Variants in METTL22 observed in about 807,000 individuals in gnomAD.
METTL22 encodes the protein methyltransferase-like protein 22.
A neutral mutation model predicts 48.4 loss-of-function variants in METTL22; 51 were observed. The ratio of observed to expected loss-of-function variants is 1.05; its 90% CI spans 0.84 to 1.33. METTL22 has a LOEUF of 1.33. METTL22 is among the 40% of genes most tolerant of loss of function. The pLI, the probability that METTL22 is intolerant of heterozygous loss-of-function variation, is 0.00. For missense variants in METTL22, 678 were observed against 526.9 expected, an observed-to-expected ratio of 1.29 and a Z score of -2.81; for synonymous variants, 255 against 214.1, an observed-to-expected ratio of 1.19 and a Z score of -1.67.
downstream of METTL22, among the ~76,000 whole-genome samples, chr16:8,653,132 T>C (rs112158669): frequency 3.3e-5 from 5 of 152,286 alleles, no homozygotes; most frequent in African/African-American, 7.2e-5. Context: ...TTCCAGACTG[T>C]GCTGTTTCTT....
Position 8,636,651 on chromosome 16 carries a change from T to TG in METTL22, c.700+1340dup, listed in dbSNP as rs1176436070. ...CTATGGGTTTTGGTTTTTTGGTTTTTGTTTTTTTTTGCATTTGTCAGTTAC... is the reference window on the plus strand; with the variant it reads ...CTATGGGTTTTGGTTTTTTGGTTTTTGGTTTTTTTTTGCATTTGTCAGTTAC... On this transcript the variant is annotated intron_variant, in intron 5 of 10. Transcript: ENST00000381920. Among the ~76,000 whole-genome samples, 10 of 3,736 alleles carry TG rather than the reference T, an allele frequency of 2.7e-3. No homozygotes were observed. In the South Asian group the frequency reaches 0.25, roughly 93 times the overall value. The allele number at this position is 3,736 out of a possible 152,430, so 2.5% of individuals were successfully genotyped here.
intron 3 of METTL22, 93 bp from the exon 4 acceptor site, chr16:8,634,946 C>A: frequency 6.5e-7 from 1 of 1,536,106 alleles, no homozygotes; most frequent in Non-Finnish European, 9.0e-7. Flanking sequence ...GCCCATCTGA[C>A]CGTGCTGGCG....
chr16:8,659,282 G>C, the METTL22 span, among the ~76,000 whole-genome samples: 4 of 150,506 alleles, frequency 2.7e-5, no homozygotes, highest in South Asian at 2.1e-4. Context: ...AGTGAGCCAA[G>C]ATTGCGCCTC....
chr16:8,666,350 C>A, the METTL22 span, among the ~76,000 whole-genome samples: 1 of 152,174 alleles, frequency 6.6e-6, no homozygotes, highest in Non-Finnish European at 1.5e-5. Flanking sequence ...GCTAGATAAC[C>A]CACACCTTAT....
intron 5 of METTL22, among the ~76,000 whole-genome samples, chr16:8,636,990 C>G (rs1396083405): frequency 6.6e-6 from 1 of 152,236 alleles, no homozygotes; most frequent in South Asian, 2.1e-4. Context: ...GTGATGAAAA[C>G]CAGCCAGTGA....
At chr16:8,644,119 TTC>T (rs35368841) in intron 9 of METTL22, among the ~76,000 whole-genome samples, 150,226 of 152,132 alleles carry the variant, frequency 0.99, 74,205 homozygotes, top group Middle Eastern at 1. Context: ...CCCAGCAGTT[TTC>T]TCTCTGTTCT....
intron 1 of METTL22, among the ~76,000 whole-genome samples, chr16:8,622,353 G>A (rs1199808079): frequency 1.3e-5 from 2 of 152,204 alleles, no homozygotes; most frequent in Non-Finnish European, 2.9e-5. Context: ...AACTGACTGG[G>A]GACCTATAGG....
intron 7 of METTL22, 29 bp downstream of exon 7, chr16:8,641,213 T>C: frequency 6.2e-7 from 1 of 1,611,430 alleles, no homozygotes; most frequent in Non-Finnish European, 8.5e-7. Context: ...CGTCCCCCAG[T>C]ATGATTCAGT....
chr16:8,659,729 C>CTT, the METTL22 span, among the ~76,000 whole-genome samples: 18 of 147,904 alleles, frequency 1.2e-4, no homozygotes, highest in African/African-American at 2.7e-4. Flanking sequence ...AAGGACTTCG[C>CTT]TTTTTTTTTT....
rs1428351850 is a variant in METTL22, at chr16:8,649,512, CCAGGCACAGTGGCT to C, written c.*3372_*3385del. On this transcript the variant is annotated 3_prime_UTR_variant, in exon 11 of 11. Transcript: ENST00000381920. ...GAAAGAACTGTTAAAACCAACAAAGCCAGGCACAGTGGCTCACACCTGTAATTCCAGCATTTTGG... is the reference window on the plus strand; with the variant it reads ...GAAAGAACTGTTAAAACCAACAAAGCCACACCTGTAATTCCAGCATTTTGG... 2 of 152,106 alleles carry C rather than the reference CCAGGCACAGTGGCT, an allele frequency of 1.3e-5. No individual in the cohort carries two copies. Among genetic ancestry groups the C allele is most frequent in the African/African-American group, 4.8e-5 (2 of 41,388 alleles). The allele number at this position is 152,106 out of a possible 1,614,324, so 9.4% of individuals were successfully genotyped here. A position where few individuals can be genotyped will look rare whatever the true frequency, so the allele number is the denominator to read the frequency against.
intron 3 of METTL22, among the ~76,000 whole-genome samples, chr16:8,630,884 G>T (rs887723072): frequency 2.0e-5 from 3 of 152,198 alleles, no homozygotes; most frequent in Admixed American, 6.5e-5. Context: ...ATTTCAAACT[G>T]GCTAGAGCAC....
chr16:8,663,133 G>T, the METTL22 span, among the ~76,000 whole-genome samples: 1 of 149,912 alleles, frequency 6.7e-6, no homozygotes, highest in African/African-American at 2.5e-5. Context: ...TTGAACCCGG[G>T]AGGCAGAGGT....
Position 8,625,638 on chromosome 16 carries a change from G to C in METTL22, c.-28G>C, listed in dbSNP as rs373328050. The C allele has an allele frequency of 8.7e-6, 14 of 1,613,442 alleles. No homozygotes were observed. In the African/African-American group the frequency reaches 1.7e-4, roughly 20 times the overall value. On this transcript the variant is annotated 5_prime_UTR_variant, in exon 2 of 11. Coordinates refer to ENST00000381920, the MANE Select transcript of METTL22 (RefSeq NM_024109.4). ...CCATTCTCACCTCTGAGGGACTCCT[G>C]TCCTAGGACTAAGGTGGAGCCTGGG...
the METTL22 span, among the ~76,000 whole-genome samples, chr16:8,664,091 T>A: frequency 1.0e-5 from 1 of 97,976 alleles, no homozygotes; most frequent in African/African-American, 5.5e-5. Context: ...AGTTTTTTAA[T>A]TTTTTTTTTT....
At chr16:8,664,791 C>G in the METTL22 span, among the ~76,000 whole-genome samples, 2 of 152,166 alleles carry the variant, frequency 1.3e-5, no homozygotes, top group Admixed American at 6.5e-5. Flanking sequence ...GGACCCATCT[C>G]AAGTGATCCA....
chr16:8,636,457 G>A lies in METTL22; in HGVS notation c.700+1145G>A, dbSNP rs536408651. The stretch of plus-strand genomic sequence containing the variant: ...GGAGGCTTGAACCTGGGAGGCAGAG[G>A]TTGCAGTGAGCTGAGATTGCACCAC... On this transcript the variant is annotated intron_variant, in intron 5 of 10. Coordinates refer to ENST00000381920, the MANE Select transcript of METTL22 (RefSeq NM_024109.4). 1.1e-4 allele frequency among the ~76,000 whole-genome samples: 16 copies of A among 150,022 alleles called. No homozygotes were observed. In the South Asian group the frequency reaches 3.4e-3, roughly 32 times the overall value.
At chr16:8,630,038 G>A (rs1406574508) in intron 3 of METTL22, among the ~76,000 whole-genome samples, 1 of 152,108 alleles carries the variant, frequency 6.6e-6, no homozygotes, top group East Asian at 1.9e-4. Context: ...TTTGGGGAGC[G>A]GAGCTGTGAT....
At position 8,635,165 on chromosome 16, in the gene METTL22, C is replaced by T; in HGVS notation, c.556-3C>T. 1 of 1,613,060 alleles carries T rather than the reference C, an allele frequency of 6.2e-7. No homozygotes were observed. The highest frequency in any genetic ancestry group is 1.7e-5 in the Admixed American group (1 of 59,982). On this transcript the variant is annotated splice_polypyrimidine_tract_variant and splice_region_variant and intron_variant, in intron 4 of 10. Coordinates refer to ENST00000381920, the MANE Select transcript of METTL22 (RefSeq NM_024109.4). ...TTGTCGCTCCTTGTCCTCTTCCCTC[C>T]AGGTGTGGCGGGGCGCCCTGCTCCT...
At chr16:8,637,692 A>G (rs1007244032) in intron 5 of METTL22, among the ~76,000 whole-genome samples, 2 of 152,234 alleles carry the variant, frequency 1.3e-5, no homozygotes, top group African/African-American at 2.4e-5. Context: ...ATTGTGTTGC[A>G]TGGAACAGAG....
Sources: allele counts gnomAD v4.1 joint callset (sites outside exome capture counted in the v4.1 genomes callset), GRCh38; gene constraint gnomAD v4.1.1; transcripts MANE v1.5; gene names NCBI Gene and HGNC (gene_info 2026-07-23, HGNC 2026-07-21).